KCNMA1: variants seen among roughly 807,000 people sequenced by gnomAD.
KCNMA1 encodes the protein potassium calcium-activated channel subfamily M alpha 1.
Under a neutral mutation model 140.0 loss-of-function variants are expected in KCNMA1, and 29 were observed. The observed-to-expected ratio is 0.21, with a 90% confidence interval of 0.15 to 0.28. The LOEUF is 0.28. Ranked by LOEUF, KCNMA1 falls within the 10% of genes least tolerant of loss-of-function variation. The pLI is 1.00. For missense variants in KCNMA1, 880 were observed against 1,602.2 expected (o/e 0.55, Z 7.70); for synonymous variants, 612 against 611.9 (o/e 1.00, Z 0.00).
chr10:77,455,545 G>A (rs2097748029), intron 1 of KCNMA1, among the ~76,000 whole-genome samples: 1 of 152,196 alleles, frequency 6.6e-6, no homozygotes, highest in Admixed American at 6.5e-5. Flanking sequence ...ATGTAGGTGA[G>A]CTTCACCTGA....
At chr10:77,008,070 T>C in intron 18 of KCNMA1, 6 of 1,089,024 alleles carry the variant, frequency 5.5e-6, no homozygotes, top group Non-Finnish European at 8.0e-6. Context: ...ACATGCAACA[T>C]AAATACCAAA....
chr10:77,117,086 G>GT (rs1210330979), intron 6 of KCNMA1, among the ~76,000 whole-genome samples: 1 of 152,148 alleles, frequency 6.6e-6, no homozygotes, highest in African/African-American at 2.4e-5. Context: ...AACCATATTG[G>GT]TTAGGTACAC....
intron 1 of KCNMA1, among the ~76,000 whole-genome samples, chr10:77,428,823 A>G (rs1055980614): frequency 3.9e-5 from 6 of 152,228 alleles, no homozygotes; most frequent in Admixed American, 1.3e-4. Flanking sequence ...ATGGATCTCT[A>G]AGAGCCAGAT....
chr10:77,298,462 G>A (rs1379931827), intron 2 of KCNMA1, among the ~76,000 whole-genome samples: 1 of 152,062 alleles, frequency 6.6e-6, no homozygotes, highest in African/African-American at 2.4e-5. Flanking sequence ...GGCTCGTCTC[G>A]AACTCCTGAC....
intron 23 of KCNMA1, among the ~76,000 whole-genome samples, chr10:76,935,314 G>C (rs1048484117): frequency 6.6e-6 from 1 of 152,216 alleles, no homozygotes; most frequent in African/African-American, 2.4e-5. Flanking sequence ...TGTTTGTCCT[G>C]GGGGTGCCCC....
chr10:77,596,462 C>T (rs578021427), intron 1 of KCNMA1, among the ~76,000 whole-genome samples: 3 of 152,262 alleles, frequency 2.0e-5, no homozygotes, highest in African/African-American at 7.2e-5. Flanking sequence ...ATACATTTGG[C>T]TACTAAACAG....
At chr10:77,103,405 T>C (rs898135416) in intron 9 of KCNMA1, among the ~76,000 whole-genome samples, 1 of 152,200 alleles carries the variant, frequency 6.6e-6, no homozygotes, top group African/African-American at 2.4e-5. Context: ...GGGGCTCTAC[T>C]GTGCCTTTCA....
chr10:77,515,835 G>C (rs895591227), intron 1 of KCNMA1, among the ~76,000 whole-genome samples: 1 of 152,120 alleles, frequency 6.6e-6, no homozygotes, highest in Admixed American at 6.5e-5. Context: ...CCTGGGCTGG[G>C]AGGCTTCCCG....
chr10:77,280,623 C>T (rs1378444318), intron 2 of KCNMA1, among the ~76,000 whole-genome samples: 1 of 151,962 alleles, frequency 6.6e-6, no homozygotes, highest in Non-Finnish European at 1.5e-5. Context: ...ACCTCCTAGG[C>T]TCAAGGGCTC....
chr10:77,193,809 T>G (rs1376210665), intron 3 of KCNMA1, among the ~76,000 whole-genome samples: 1 of 152,152 alleles, frequency 6.6e-6, no homozygotes, highest in Non-Finnish European at 1.5e-5. Context: ...GTCCCAGGTC[T>G]GAATGGAGAG....
At chr10:77,176,285 A>C (rs2098750910) in intron 5 of KCNMA1, among the ~76,000 whole-genome samples, 1 of 152,230 alleles carries the variant, frequency 6.6e-6, no homozygotes, top group African/African-American at 2.4e-5. Context: ...TCCAGAAAGC[A>C]ATAAAGCATG....
chr10:77,299,064 G>T (rs1216219301), intron 2 of KCNMA1, among the ~76,000 whole-genome samples: 1 of 152,168 alleles, frequency 6.6e-6, no homozygotes, highest in African/African-American at 2.4e-5. Flanking sequence ...TAGTTCAGTC[G>T]TACTGCACAG....
intron 2 of KCNMA1, among the ~76,000 whole-genome samples, chr10:77,394,398 G>T (rs938023492): frequency 6.6e-6 from 1 of 152,224 alleles, no homozygotes; most frequent in Admixed American, 6.5e-5. Context: ...ACCAGAAGCT[G>T]CTGCGAGCTG....
chr10:77,479,236 C>G (rs1157686768), intron 1 of KCNMA1, among the ~76,000 whole-genome samples: 3 of 152,224 alleles, frequency 2.0e-5, no homozygotes, highest in Admixed American at 2.0e-4. Context: ...GATCATTTCT[C>G]TCTTTTCACA....
chr10:77,606,442 C>A (rs1165100189), intron 1 of KCNMA1, among the ~76,000 whole-genome samples: 1 of 152,052 alleles, frequency 6.6e-6, no homozygotes, highest in Non-Finnish European at 1.5e-5. Context: ...GACCCCATCT[C>A]TACAAAATAA....
chr10:76,952,017 G>A, intron 21 of KCNMA1: 2 of 1,550,204 alleles, frequency 1.3e-6, no homozygotes, highest in East Asian at 2.4e-5. Context: ...ATTTTTCATA[G>A]GATAGAAGTA....
chr10:77,151,490 G>A (rs1186020231), intron 5 of KCNMA1, among the ~76,000 whole-genome samples: 1 of 152,010 alleles, frequency 6.6e-6, no homozygotes. Context: ...CCCTTCTGAA[G>A]TGCTGGGATT....
intron 1 of KCNMA1, among the ~76,000 whole-genome samples, chr10:77,406,291 A>C (rs181251574): frequency 8.7e-6 from 1 of 115,348 alleles, no homozygotes; most frequent in African/African-American, 3.3e-5. Context: ...TTCGGGGGAA[A>C]ATCCAGCTCT....
At chr10:77,440,779 G>C (rs765846549) in intron 1 of KCNMA1, among the ~76,000 whole-genome samples, 5 of 152,226 alleles carry the variant, frequency 3.3e-5, no homozygotes, top group East Asian at 3.9e-4. Context: ...GGAGAGAGTA[G>C]GGCAGAAAGC....
Sources: gnomAD v4.1 joint callset for allele counts (sites outside exome capture counted in the v4.1 genomes callset) on GRCh38, gnomAD v4.1.1 for gene constraint, MANE v1.5 for transcripts, NCBI Gene and HGNC (gene_info 2026-07-23, HGNC 2026-07-21) for gene names.